The following NOB1 variants were observed in gnomAD, a reference collection of about 807,000 sequenced individuals.
NOB1 encodes RNA-binding protein NOB1.
In NOB1, 44 loss-of-function variants were observed where a neutral mutation model predicts 44.8. That is an observed-to-expected ratio of 0.98 (90% confidence interval 0.77 to 1.26). NOB1 has a LOEUF of 1.26. NOB1 is among the 50% of genes most tolerant of loss of function. NOB1 has a pLI of 0.00. For missense variants in NOB1, 560 were observed against 544.8 expected (o/e 1.03, Z -0.28); for synonymous variants, 238 against 218.7 (o/e 1.09, Z -0.78).
Position 69,754,798 on chromosome 16 carries a change from G to T in NOB1, c.63+50C>A, listed in dbSNP as rs373480662. 10 of 1,610,204 alleles carry T rather than the reference G, an allele frequency of 6.2e-6. No individual in the cohort carries two copies. The South Asian group carries it at 7.7e-5, about 12-fold the overall frequency. The stretch of plus-strand genomic sequence containing the variant: ...CTCCGCGCGACTCCACGCACTCCGG[G>T]AGGGGCGGCCAGCCCAGATCTCTCT... On this transcript the variant is annotated intron_variant, in intron 1 of 8. Coordinates refer to ENST00000268802, the MANE Select transcript of NOB1 (RefSeq NM_014062.3).
At chr16:69,748,205 A>C (rs767448466) in intron 7 of NOB1, 27 bp downstream of exon 7, 1 of 1,559,672 alleles carries the variant, frequency 6.4e-7, no homozygotes, top group East Asian at 2.2e-5. Flanking sequence ...CACAGAGGGC[A>C]CCAGGGCCAG....
At chr16:69,742,735 C>T (rs1370572778) in intron 8 of NOB1, 134 bp from the exon 9 acceptor site, 3 of 868,182 alleles carry the variant, frequency 3.5e-6, no homozygotes, top group East Asian at 5.1e-5. Flanking sequence ...GACTGCCTAC[C>T]ATGTGCTACG....
chr16:69,749,689 T>G, intron 3 of NOB1, 59 bp from the exon 4 acceptor site: 1 of 1,416,304 alleles, frequency 7.1e-7, no homozygotes, highest in Non-Finnish European at 9.7e-7. Flanking sequence ...ATCCAGTTTT[T>G]TTTTTTGGCC....
chr16:69,751,135 A>C (rs4247107), intron 3 of NOB1, among the ~76,000 whole-genome samples: 1 of 151,896 alleles, frequency 6.6e-6, no homozygotes, highest in Admixed American at 6.6e-5. Flanking sequence ...ACTCAGGCTG[A>C]AGTGCAGTGG....
chr16:69,746,798 T>G (rs1184620252), intron 7 of NOB1, among the ~76,000 whole-genome samples: 1 of 151,740 alleles, frequency 6.6e-6, no homozygotes, highest in Non-Finnish European at 1.5e-5. Flanking sequence ...TCCCAGCTAC[T>G]CAGGAGGCTG....
At chr16:69,750,694 T>C (rs917114167) in intron 3 of NOB1, among the ~76,000 whole-genome samples, 15 of 151,954 alleles carry the variant, frequency 9.9e-5, no homozygotes, top group Admixed American at 4.6e-4. Flanking sequence ...CTCAGCATTC[T>C]GGGAGGCCAA....
At position 69,742,465 on chromosome 16, in the gene NOB1, C is replaced by A. The variant is rs763796065; in HGVS notation, c.1106G>T (p.Gly369Val). The change falls in exon 9 of 9, where the codon GGG (glycine) becomes GTG (valine). Residue 369 changes from glycine to valine, a missense_variant. By Grantham distance (109) the Gly-to-Val change is moderately radical (BLOSUM62 -3). Transcript: ENST00000268802. ...TNVFAPDYIA[G>V]VSPFVENDIS... ...GTCATTCTCGACAAAGGGTGACACC[C>A]CGGCGATGTAGTCAGGGGCGAACAC... The A allele has an allele frequency of 6.2e-7, 1 of 1,614,232 alleles. No homozygotes were observed. The highest frequency in any genetic ancestry group is 1.7e-5 in the Admixed American group (1 of 60,028).
chr16:69,743,072 G>A (rs1567641469), intron 8 of NOB1, among the ~76,000 whole-genome samples: 1 of 152,108 alleles, frequency 6.6e-6, no homozygotes, highest in Non-Finnish European at 1.5e-5. Flanking sequence ...GGAACTTCTT[G>A]TTGTGCCATA....
At position 69,754,726 on chromosome 16, in the gene NOB1, C is replaced by G; in HGVS notation, c.64G>C (p.Asp22His). 1 of 1,614,172 alleles carries G rather than the reference C, an allele frequency of 6.2e-7. No individual in the cohort carries two copies. Among genetic ancestry groups the G allele is most frequent in the East Asian group, 2.2e-5 (1 of 44,884 alleles). Residue 22 changes from aspartate (D) to histidine (H), a missense_variant and splice_region_variant, in exon 2 of 9, where the codon GAC becomes CAC. Asp to His is a moderately conservative substitution (Grantham distance 81). Coordinates refer to ENST00000268802, the MANE Select transcript of NOB1 (RefSeq NM_014062.3). Reference sequence around the variant, plus strand: ...ATGGTGTAAATGTTCTTCCCGATGTCCTGCGGACAGAACGCCCCAGCTCAG... The same window carrying G: ...ATGGTGTAAATGTTCTTCCCGATGTGCTGCGGACAGAACGCCCCAGCTCAG... ...GAFLRHAALQDIGKNIYTIRE... is the reference protein window; with the variant it reads ...GAFLRHAALQHIGKNIYTIRE...
chr16:69,754,585 G>A lies in NOB1; in HGVS notation c.196+9C>T, dbSNP rs1305943127. On this transcript the variant is annotated intron_variant, in intron 2 of 8. Transcript: ENST00000268802. Reference sequence around the variant, plus strand: ...AGCTTCCCGTCAACGCTAGGGCAGAGGCACTCACCCAGCCGCACGTATTCC... The same window carrying A: ...AGCTTCCCGTCAACGCTAGGGCAGAAGCACTCACCCAGCCGCACGTATTCC... 2 of 1,613,812 alleles carry A rather than the reference G, an allele frequency of 1.2e-6. No individual in the cohort carries two copies. The highest frequency in any genetic ancestry group is 1.7e-5 in the Admixed American group (1 of 59,994).
At chr16:69,753,122 T>C (rs2038496663) in intron 2 of NOB1, among the ~76,000 whole-genome samples, 1 of 150,270 alleles carries the variant, frequency 6.7e-6, no homozygotes, top group African/African-American at 2.5e-5. Context: ...CTGGGGAGGC[T>C]GAGGCAGAAG....
Position 69,754,846 on chromosome 16 carries a change from A to T in NOB1, c.63+2T>A. On this transcript the variant is annotated splice_donor_variant, in intron 1 of 8. Coordinates refer to ENST00000268802, the MANE Select transcript of NOB1 (RefSeq NM_014062.3). LOFTEE classifies it high-confidence loss of function. Reference sequence around the variant, plus strand: ...TCTCGTCCCGGAGGGAGCTCCCCGTACCTGCAGAGCCGCATGCCGCAGGAA... The same window carrying T: ...TCTCGTCCCGGAGGGAGCTCCCCGTTCCTGCAGAGCCGCATGCCGCAGGAA... 6.2e-7 allele frequency: 1 copy of T among 1,600,986 alleles called. No homozygotes were observed. Among genetic ancestry groups the T allele is most frequent in the South Asian group, 1.1e-5 (1 of 89,912 alleles).
chr16:69,743,117 A>G (rs2038398778), intron 8 of NOB1, among the ~76,000 whole-genome samples: 1 of 152,202 alleles, frequency 6.6e-6, no homozygotes. Context: ...AAAAGAACAC[A>G]GGCTCCCACT....
chr16:69,747,082 T>A (rs906140576), intron 7 of NOB1, among the ~76,000 whole-genome samples: 8 of 149,472 alleles, frequency 5.4e-5, no homozygotes, highest in African/African-American at 1.7e-4. Flanking sequence ...ATTAGCCAGG[T>A]GTGGTGGTGG....
At chr16:69,753,604 A>T (rs1403601440) in intron 2 of NOB1, among the ~76,000 whole-genome samples, 1 of 152,214 alleles carries the variant, frequency 6.6e-6, no homozygotes, top group Non-Finnish European at 1.5e-5. Flanking sequence ...AAGATTTAGT[A>T]AGTTGGCAAA....
At chr16:69,748,623 T>C (rs890827876) in intron 6 of NOB1, 22 of 530,570 alleles carry the variant, frequency 4.1e-5, no homozygotes, top group Non-Finnish European at 6.3e-5. Flanking sequence ...CTGAAAACCC[T>C]CTCTCCCTGT....
chr16:69,748,175 AAG>A, intron 7 of NOB1, 55 bp downstream of exon 7: 1 of 1,349,106 alleles, frequency 7.4e-7, no homozygotes, highest in East Asian at 2.3e-5. Flanking sequence ...AAAACAAAAA[AAG>A]AAACAGGAAG....
chr16:69,744,459 T>C (rs757418627), intron 8 of NOB1, among the ~76,000 whole-genome samples: 3 of 152,206 alleles, frequency 2.0e-5, no homozygotes, highest in Admixed American at 6.5e-5. Context: ...CCAGTGCCAC[T>C]CATTCGTCCT....
intron 1 of NOB1, 26 bp from the exon 2 acceptor site, chr16:69,754,752 A>G: frequency 6.2e-7 from 1 of 1,613,528 alleles, no homozygotes; most frequent in Non-Finnish European, 8.5e-7. Flanking sequence ...CCCAGCTCAG[A>G]CCCACCCGCA....
Sources: allele counts gnomAD v4.1 joint callset (sites outside exome capture counted in the v4.1 genomes callset), GRCh38; gene constraint gnomAD v4.1.1; transcripts MANE v1.5; gene names NCBI Gene and HGNC (gene_info 2026-07-23, HGNC 2026-07-21).